SVIL: variants seen among roughly 807,000 people sequenced by gnomAD.
The protein encoded by SVIL is supervillin, also known as archvillin.
A neutral mutation model predicts 240.4 loss-of-function variants in SVIL; 101 were observed. The observed-to-expected ratio is 0.42, with a 90% CI of 0.36 to 0.50. The LOEUF is 0.50. Ranked by LOEUF, SVIL falls within the 20% of genes least tolerant of loss-of-function variation. SVIL has a pLI of 0.01. For synonymous variants in SVIL, 999 were observed against 1,100.0 expected, an observed-to-expected ratio of 0.91 and a Z score of 1.82; for missense variants, 2,512 against 2,818.7, an observed-to-expected ratio of 0.89 and a Z score of 2.46.
At chr10:29,573,687 G>T (rs922698301) in intron 1 of SVIL, among the ~76,000 whole-genome samples, 37 of 150,886 alleles carry the variant, frequency 2.5e-4, no homozygotes, top group African/African-American at 8.8e-4. Context: ...TATTTGCAGA[G>T]AAATTCTAAG....
chr10:29,527,724 CTTTTTTTTTTT>C (rs1213694531), intron 12 of SVIL, among the ~76,000 whole-genome samples: 2 of 99,908 alleles, frequency 2.0e-5, no homozygotes, highest in African/African-American at 3.8e-5. Flanking sequence ...TGGGCCCAGC[CTTTTTTTTTTT>C]TTTTTTTTTT....
At chr10:29,723,081 T>C (rs539455170) in intron 1 of SVIL, among the ~76,000 whole-genome samples, 2 of 152,314 alleles carry the variant, frequency 1.3e-5, no homozygotes, top group African/African-American at 4.8e-5. Flanking sequence ...TCCATAAATA[T>C]TTATAAATGT....
At chr10:29,524,745 A>G (rs1027405122) in intron 13 of SVIL, 30 bp from the exon 14 acceptor site, 2 of 1,607,184 alleles carry the variant, frequency 1.2e-6, no homozygotes, top group African/African-American at 1.3e-5. Context: ...AGCAACACAT[A>G]TACCAACAAA....
intron 16 of SVIL, among the ~76,000 whole-genome samples, chr10:29,514,099 T>C (rs1320968312): frequency 2.0e-5 from 3 of 152,114 alleles, no homozygotes; most frequent in Non-Finnish European, 2.9e-5. Context: ...CTGGACCTGA[T>C]GGGCCAGGTC....
chr10:29,587,813 A>G (rs1956230372), intron 1 of SVIL, among the ~76,000 whole-genome samples: 1 of 152,238 alleles, frequency 6.6e-6, no homozygotes, highest in Non-Finnish European at 1.5e-5. Flanking sequence ...GCCATAGGTC[A>G]GGGGAACAAT....
intron 2 of SVIL, chr10:29,686,425 T>A (rs1466398063): frequency 1.3e-5 from 2 of 152,216 alleles, no homozygotes; most frequent in Non-Finnish European, 2.9e-5. Context: ...TCTCACACAA[T>A]GAAATTAGAG....
rs1958740534 is a variant in SVIL, at chr10:29,648,595, C to G, written c.-201+9374G>C. ...GAGAGGCAGTTAGTTCTAAGAAAAG[C>G]CAACCAAACCTCTCCTCTTGGCAAT... On this transcript the variant is annotated intron_variant, in intron 3 of 35. Coordinates refer to the SVIL transcript ENST00000375400. 3.9e-5 allele frequency among the ~76,000 whole-genome samples: 6 copies of G among 152,264 alleles called. No homozygotes were observed. The South Asian group carries it at 1.2e-3, about 32-fold the overall frequency.
At chr10:29,563,567 C>G (rs1319438759) in intron 2 of SVIL, among the ~76,000 whole-genome samples, 1 of 152,166 alleles carries the variant, frequency 6.6e-6, no homozygotes, top group Non-Finnish European at 1.5e-5. Context: ...GAGTCGTGAG[C>G]TTTAACTCAG....
chr10:29,601,383 A>T (rs1956805677), intron 1 of SVIL, among the ~76,000 whole-genome samples: 1 of 152,234 alleles, frequency 6.6e-6, no homozygotes, highest in African/African-American at 2.4e-5. Context: ...TATTAGGGAG[A>T]ATAATGCATT....
chr10:29,565,131 C>T lies in SVIL; in HGVS notation c.-142-1839G>A, dbSNP rs1954861040. On this transcript the variant is annotated intron_variant, in intron 2 of 37. Transcript: ENST00000355867. ...AATATTCAGCTTTTCAGGCCACTTA[C>T]CTTGCGGTACAAATGCTATATCTTA... Among the ~76,000 whole-genome samples the T allele has an allele frequency of 2.6e-5, 4 of 152,168 alleles. No homozygotes were observed. The South Asian group carries it at 8.3e-4, about 32-fold the overall frequency.
intron 3 of SVIL, among the ~76,000 whole-genome samples, chr10:29,556,735 C>T (rs983630679): frequency 2.0e-5 from 3 of 152,180 alleles, no homozygotes; most frequent in Non-Finnish European, 4.4e-5. Context: ...CCCCGCCATG[C>T]GGCCTTGGGA....
intron 5 of SVIL, among the ~76,000 whole-genome samples, chr10:29,551,783 TC>T (rs112762244): frequency 0.3 from 45,203 of 151,686 alleles, 7,029 homozygotes; most frequent in African/African-American, 0.38. Context: ...GTGTTTTTTT[TC>T]CCCAGTTATA....
At chr10:29,523,257 A>T (rs572314236) in intron 15 of SVIL, among the ~76,000 whole-genome samples, 194 bp downstream of exon 15, 1 of 152,358 alleles carries the variant, frequency 6.6e-6, no homozygotes, top group South Asian at 2.1e-4. Flanking sequence ...CTCTTCCAGT[A>T]GTTTTATTGC....
chr10:29,490,452 A>G (rs1191754494), intron 22 of SVIL, among the ~76,000 whole-genome samples: 1 of 152,092 alleles, frequency 6.6e-6, no homozygotes, highest in East Asian at 1.9e-4. Context: ...ACTCAACAAA[A>G]CAGGGTAATT....
upstream of SVIL, among the ~76,000 whole-genome samples, chr10:29,638,325 G>A (rs1958376385): frequency 6.6e-6 from 1 of 152,154 alleles, no homozygotes; most frequent in East Asian, 1.9e-4. Flanking sequence ...AGCCAGGCAT[G>A]GTGGCTGGCA....
chr10:29,736,181 G>T (rs545688121), upstream of SVIL, among the ~76,000 whole-genome samples: 695 of 152,232 alleles, frequency 4.6e-3, 7 homozygotes, highest in African/African-American at 0.016. Flanking sequence ...ACGAACTCGC[G>T]CCCGGAGCCG....
At chr10:29,477,054 G>C (rs866100988) in intron 29 of SVIL, among the ~76,000 whole-genome samples, 5 of 151,928 alleles carry the variant, frequency 3.3e-5, no homozygotes, top group Non-Finnish European at 7.4e-5. Flanking sequence ...GTAGAGACAG[G>C]GGGTTTCACC....
At chr10:29,680,110 A>G (rs1391974865) in intron 2 of SVIL, among the ~76,000 whole-genome samples, 1 of 152,094 alleles carries the variant, frequency 6.6e-6, no homozygotes, top group Non-Finnish European at 1.5e-5. Context: ...TCTTAAGTCC[A>G]AGGGGTTGAG....
At chr10:29,485,103 G>C (rs1173721828) in intron 26 of SVIL, among the ~76,000 whole-genome samples, 1 of 151,836 alleles carries the variant, frequency 6.6e-6, no homozygotes, top group Non-Finnish European at 1.5e-5. Context: ...CTTACAACTT[G>C]CGATTCACAA....
Sources: gnomAD v4.1 joint callset for allele counts (sites outside exome capture counted in the v4.1 genomes callset) on GRCh38, gnomAD v4.1.1 for gene constraint, MANE v1.5 for transcripts, NCBI Gene and HGNC (gene_info 2026-07-23, HGNC 2026-07-21) for gene names.